Variants in NAA35 observed in about 807,000 individuals in gnomAD.
NAA35 encodes the protein MAK10 homolog, amino-acid N-acetyltransferase subunit.
NAA35 carries 18 observed loss-of-function variants against 101.7 expected under a neutral mutation model. The observed-to-expected ratio is 0.18, with a 90% CI of 0.12 to 0.26. The LOEUF (loss-of-function observed/expected upper bound fraction) is 0.26. Among genes scored for constraint, NAA35 ranks in the 10% least tolerant of loss-of-function variants. The probability of loss-of-function intolerance (pLI) is 1.00; values close to 1 mark genes in which losing one functional copy is unlikely to be tolerated. For synonymous variants in NAA35, 267 were observed against 273.1 expected, an observed-to-expected ratio of 0.98 and a Z score of 0.22; for missense variants, 601 against 886.8, an observed-to-expected ratio of 0.68 and a Z score of 4.09.
chr9:85,949,730 A>G (rs914984383), intron 2 of NAA35, among the ~76,000 whole-genome samples: 25 of 151,600 alleles, frequency 1.6e-4, no homozygotes, highest in Admixed American at 6.6e-5. Flanking sequence ...CTCATATCAG[A>G]TTTTTCCCTT....
intron 5 of NAA35, 87 bp from the exon 6 acceptor site, chr9:85,961,926 G>T: frequency 1.0e-6 from 1 of 1,004,296 alleles, no homozygotes; most frequent in East Asian, 2.6e-5. Context: ...TGGGTCTATG[G>T]TGCTCTGGCC....
intron 2 of NAA35, among the ~76,000 whole-genome samples, chr9:85,948,644 T>C (rs1253857228): frequency 6.6e-6 from 1 of 152,262 alleles, no homozygotes. Context: ...ACTTGACTGA[T>C]ATTATGTCTG....
chr9:85,959,877 G>A lies in NAA35; in HGVS notation c.348+10G>A. The A allele has an allele frequency of 6.3e-7, 1 of 1,590,472 alleles. No homozygotes were observed. The highest frequency in any genetic ancestry group is 8.6e-7 in the Non-Finnish European group (1 of 1,162,822). ...ATGTTTTTGCTGTTTGGTAAGAATGGAAATAAGACTATTGGTTAATTTTAA... is the reference window on the plus strand; with the variant it reads ...ATGTTTTTGCTGTTTGGTAAGAATGAAAATAAGACTATTGGTTAATTTTAA... On this transcript the variant is annotated intron_variant, in intron 5 of 22. Transcript: ENST00000361671.
intron 4 of NAA35, 36 bp downstream of exon 4, chr9:85,958,622 CT>C (rs945965344): frequency 2.1e-5 from 28 of 1,332,450 alleles, no homozygotes; most frequent in Non-Finnish European, 2.9e-5. Context: ...TTCCATTTAT[CT>C]TTTGTTACTT....
chr9:85,968,614 A>G (rs1241368496), intron 6 of NAA35, among the ~76,000 whole-genome samples: 2 of 151,974 alleles, frequency 1.3e-5, no homozygotes, highest in African/African-American at 2.4e-5. Flanking sequence ...CCCACTTATG[A>G]GGAAAAATAG....
intron 6 of NAA35, among the ~76,000 whole-genome samples, chr9:85,969,394 T>A (rs1031204587): frequency 2.0e-5 from 3 of 152,148 alleles, no homozygotes; most frequent in African/African-American, 7.2e-5. Context: ...TGCTTTTCTG[T>A]TATATAGATG....
chr9:85,990,991 A>G (rs1219327002), intron 11 of NAA35, among the ~76,000 whole-genome samples: 3 of 152,168 alleles, frequency 2.0e-5, no homozygotes, highest in Non-Finnish European at 4.4e-5. Context: ...ATCACTGTGA[A>G]TCGGTAGCCT....
rs188971633 is a variant in NAA35, at chr9:86,014,396, C to T, written c.1568+499C>T. On this transcript the variant is annotated intron_variant, in intron 17 of 22. Coordinates refer to ENST00000361671, the MANE Select transcript of NAA35 (RefSeq NM_024635.4). ...CAGAGTAGTTCTTCCCTTTCACTTG[C>T]GGACAAAATAAACCTAGTAAGAGGA... The T allele has an allele frequency of 5.0e-4, 489 of 976,590 alleles. 1 individual carries two copies. In the African/African-American group the frequency reaches 5.2e-3, roughly 10 times the overall value. 60.5% of individuals were successfully genotyped at this position (976,590 alleles called of 1,614,324 possible).
chr9:85,948,819 A>C (rs192631747), intron 2 of NAA35, among the ~76,000 whole-genome samples: 1 of 151,804 alleles, frequency 6.6e-6, no homozygotes, highest in Non-Finnish European at 1.5e-5. Flanking sequence ...GTGCAATGGC[A>C]TGATCTCGGT....
rs1420337283 is a variant in NAA35 at position 86,024,798 on chromosome 9, G to A, written c.*2838G>A. On this transcript the variant is annotated 3_prime_UTR_variant, in exon 23 of 23. Coordinates refer to ENST00000361671, the MANE Select transcript of NAA35 (RefSeq NM_024635.4). Reference sequence around the variant, plus strand: ...TCTTTGGGACATCCTGGTGAAGATGGCAGGTAGTTTGGTCTCAAACTGGGA... The same window carrying A: ...TCTTTGGGACATCCTGGTGAAGATGACAGGTAGTTTGGTCTCAAACTGGGA... Among the ~76,000 whole-genome samples, 1 of 152,114 alleles carries A rather than the reference G, an allele frequency of 6.6e-6. No individual in the cohort carries two copies. Among genetic ancestry groups the A allele is most frequent in the Admixed American group, 6.5e-5 (1 of 15,272 alleles).
chr9:85,968,982 C>G (rs1030682004), intron 6 of NAA35, among the ~76,000 whole-genome samples: 1 of 152,116 alleles, frequency 6.6e-6, no homozygotes, highest in East Asian at 1.9e-4. Flanking sequence ...CTTTTGCCCT[C>G]TATTGTGAAA....
rs1832716481 is a variant in NAA35, at chr9:86,024,849, T to C, written c.*2889T>C. Among the ~76,000 whole-genome samples, 1 of 152,028 alleles carries C rather than the reference T, an allele frequency of 6.6e-6. No individual in the cohort carries two copies. The highest frequency in any genetic ancestry group is 2.4e-5 in the African/African-American group (1 of 41,392). Reference sequence around the variant, plus strand: ...GGTGCCATCTGGGGTGGAGATGAACTGAGGACTCAGTAACTATAGTCACTG... The same window carrying C: ...GGTGCCATCTGGGGTGGAGATGAACCGAGGACTCAGTAACTATAGTCACTG... On this transcript the variant is annotated 3_prime_UTR_variant, in exon 23 of 23. Transcript: ENST00000361671.
intron 18 of NAA35, among the ~76,000 whole-genome samples, chr9:86,017,273 A>G (rs1219026631): frequency 6.6e-6 from 1 of 152,246 alleles, no homozygotes; most frequent in Non-Finnish European, 1.5e-5. Flanking sequence ...AAAAGTTATA[A>G]TTACTTTATA....
intron 12 of NAA35, among the ~76,000 whole-genome samples, chr9:86,000,360 T>G (rs1198678007): frequency 6.6e-6 from 1 of 152,150 alleles, no homozygotes; most frequent in Non-Finnish European, 1.5e-5. Context: ...TGAAGTCTTC[T>G]TTTTTTGTTG....
At chr9:86,009,429 G>C (rs1388183288) in intron 14 of NAA35, among the ~76,000 whole-genome samples, 1 of 152,154 alleles carries the variant, frequency 6.6e-6, no homozygotes, top group Non-Finnish European at 1.5e-5. Flanking sequence ...GGGAGGTATA[G>C]GTGATTTATA....
intron 11 of NAA35, among the ~76,000 whole-genome samples, chr9:85,990,363 T>A (rs1038239041): frequency 2.0e-5 from 3 of 152,310 alleles, no homozygotes; most frequent in African/African-American, 7.2e-5. Flanking sequence ...AACTTCAACT[T>A]GAATTTTGGT....
At chr9:85,982,857 A>G (rs946233100) in intron 11 of NAA35, among the ~76,000 whole-genome samples, 3 of 152,238 alleles carry the variant, frequency 2.0e-5, no homozygotes, top group African/African-American at 7.2e-5. Flanking sequence ...AAATTATTTT[A>G]GAAGCTGGAA....
chr9:86,005,981 G>A (rs1000766894), intron 13 of NAA35, among the ~76,000 whole-genome samples: 23 of 151,588 alleles, frequency 1.5e-4, no homozygotes, highest in African/African-American at 5.1e-4. Flanking sequence ...GATCAGCCTG[G>A]CCAAGATAGT....
chr9:85,950,771 C>A (rs11141159), intron 2 of NAA35, among the ~76,000 whole-genome samples: 68 of 152,176 alleles, frequency 4.5e-4, no homozygotes, highest in African/African-American at 1.6e-3. Flanking sequence ...AAATTATAGT[C>A]TATGTATGTA....
Sources: gnomAD v4.1 joint callset for allele counts (sites outside exome capture counted in the v4.1 genomes callset) on GRCh38, gnomAD v4.1.1 for gene constraint, MANE v1.5 for transcripts, NCBI Gene and HGNC (gene_info 2026-07-23, HGNC 2026-07-21) for gene names.